TNRC6C: variants seen among roughly 807,000 people sequenced by gnomAD.
TNRC6C encodes trinucleotide repeat containing adaptor 6C.
TNRC6C carries 20 observed loss-of-function variants against 153.7 expected under a neutral mutation model. The ratio of observed to expected loss-of-function variants is 0.13; its 90% CI spans 0.09 to 0.19. The LOEUF (loss-of-function observed/expected upper bound fraction) is 0.19. Among genes scored for constraint, TNRC6C ranks in the 10% least tolerant of loss-of-function variants. The pLI is 1.00. For synonymous variants in TNRC6C, 811 were observed against 841.4 expected (o/e 0.96, Z 0.63); for missense variants, 1,987 against 2,172.0 (o/e 0.91, Z 1.69).
chr17:77,998,456 C>T (rs1029761316), intron 1 of TNRC6C, among the ~76,000 whole-genome samples: 2 of 152,178 alleles, frequency 1.3e-5, no homozygotes, highest in African/African-American at 4.8e-5. Flanking sequence ...TCTGGGCCTC[C>T]AGTGAAATGA....
Position 78,082,962 on chromosome 17 carries a change from C to T in TNRC6C, c.3358-85C>T, listed in dbSNP as rs898810610. 5.3e-6 allele frequency: 8 copies of T among 1,502,738 alleles called. No homozygotes were observed. The African/African-American group carries it at 9.7e-5, about 18-fold the overall frequency. 93.1% of individuals were successfully genotyped at this position (1,502,738 alleles called of 1,614,324 possible). A position where few individuals can be genotyped will look rare whatever the true frequency, so the allele number is the denominator to read the frequency against. On this transcript the variant is annotated intron_variant, in intron 10 of 19. Coordinates refer to ENST00000301624, the Ensembl canonical transcript of TNRC6C. ...GTCTCCCTACAAATTATCATTTAAT[C>T]ATTTTTGAATTTTGAAAAACTACAG...
At chr17:78,086,425 C>A in intron 11 of TNRC6C, 78 bp from the exon 14 acceptor site, 10 of 1,107,848 alleles carry the variant, frequency 9.0e-6, no homozygotes, top group African/African-American at 1.7e-5. Context: ...TATTTTTTAA[C>A]TAATGTCAGA....
upstream of TNRC6C, chr17:77,959,094 G>T (rs2070838106): frequency 6.8e-6 from 1 of 146,282 alleles, no homozygotes; most frequent in Non-Finnish European, 1.5e-5. Context: ...CGCCGCCGCC[G>T]CAGCCGCCGC....
At chr17:78,037,514 G>C (rs2072203186) in intron 2 of TNRC6C, among the ~76,000 whole-genome samples, 1 of 141,880 alleles carries the variant, frequency 7.0e-6, no homozygotes, top group South Asian at 2.2e-4. Flanking sequence ...CTTTCTGGTG[G>C]AGGTGATATG....
intron 16 of TNRC6C, among the ~76,000 whole-genome samples, chr17:78,093,982 CTTTT>C (rs11313921): frequency 1.4e-5 from 2 of 141,348 alleles, no homozygotes; most frequent in Non-Finnish European, 1.6e-5. Flanking sequence ...ATTATTATTA[CTTTT>C]TTTTTTTTTT....
chr17:78,049,665 G>A lies in TNRC6C; in HGVS notation c.603G>A (p.Gln201=). The A allele has an allele frequency of 6.2e-7, 1 of 1,611,954 alleles. No individual in the cohort carries two copies. Among genetic ancestry groups the A allele is most frequent in the Non-Finnish European group, 8.5e-7 (1 of 1,178,190 alleles). Residue 201 remains glutamine, a synonymous_variant, in exon 3 of 20, where the codon CAG becomes CAA. Transcript: ENST00000301624. This position sits in a 1 kb window ranked among gnomAD's most constrained non-coding sequence, Gnocchi z 4.1. ...CACCCAACCCTATCAATGCAATGCAGACAAATGGACTGCCAAACTGGGGCA... is the reference window on the plus strand; with the variant it reads ...CACCCAACCCTATCAATGCAATGCAAACAAATGGACTGCCAAACTGGGGCA...
At chr17:78,047,781 A>G (rs907004518) in intron 2 of TNRC6C, among the ~76,000 whole-genome samples, 6 of 152,180 alleles carry the variant, frequency 3.9e-5, no homozygotes, top group Non-Finnish European at 7.4e-5. Context: ...AGTTTGTTGT[A>G]TGTTTGGGTT....
chr17:78,104,884 C>G lies in TNRC6C; in HGVS notation c.*39C>G. 6 of 1,383,676 alleles carry G rather than the reference C, an allele frequency of 4.3e-6. No individual in the cohort carries two copies. The South Asian group carries it at 5.0e-5, about 11-fold the overall frequency. The allele number at this position is 1,383,676 out of a possible 1,614,324, so 85.7% of individuals were successfully genotyped here. On this transcript the variant is annotated 3_prime_UTR_variant, in exon 20 of 20. Transcript: ENST00000301624. This position sits in a 1 kb window ranked among gnomAD's most constrained non-coding sequence, Gnocchi z 6.2. ...CAGCACCAGGAGAGCCGACCCCTCC[C>G]GGGACCCCTCCCGGCTGGGCGGCCC...
At chr17:77,961,269 C>T (rs1436503983) in intron 1 of TNRC6C, among the ~76,000 whole-genome samples, 3 of 151,928 alleles carry the variant, frequency 2.0e-5, no homozygotes, top group Admixed American at 2.0e-4. Flanking sequence ...GATTCTCTTG[C>T]CTCACCCTCC....
chr17:78,019,682 A>G (rs1219338549), intron 1 of TNRC6C, among the ~76,000 whole-genome samples: 1 of 152,240 alleles, frequency 6.6e-6, no homozygotes, highest in Non-Finnish European at 1.5e-5. Flanking sequence ...AATGGTTGCT[A>G]TCTTAATATT....
chr17:77,999,015 A>G (rs2071370845), intron 1 of TNRC6C, among the ~76,000 whole-genome samples: 1 of 152,212 alleles, frequency 6.6e-6, no homozygotes, highest in Non-Finnish European at 1.5e-5. Flanking sequence ...CCTGGCCCAC[A>G]TGTAGGAGTT....
intron 1 of TNRC6C, among the ~76,000 whole-genome samples, chr17:77,987,443 T>C (rs2071185155): frequency 6.6e-6 from 1 of 152,224 alleles, no homozygotes; most frequent in African/African-American, 2.4e-5. Context: ...CCCTTAATTA[T>C]ACCCTTTTGT....
chr17:78,056,620 C>G (rs8076133), intron 3 of TNRC6C, among the ~76,000 whole-genome samples: 1 of 151,926 alleles, frequency 6.6e-6, no homozygotes, highest in Non-Finnish European at 1.5e-5. Context: ...CCCGCCACCA[C>G]GCTCGGCTAA....
chr17:77,979,724 C>T (rs1315551469), intron 1 of TNRC6C, among the ~76,000 whole-genome samples: 1 of 151,986 alleles, frequency 6.6e-6, no homozygotes, highest in African/African-American at 2.4e-5. Flanking sequence ...ATTTGAGAAT[C>T]ACTGTAGCTC....
intron 7 of TNRC6C, among the ~76,000 whole-genome samples, chr17:78,073,636 C>A (rs1020351571): frequency 6.6e-6 from 1 of 152,170 alleles, no homozygotes; most frequent in Non-Finnish European, 1.5e-5. Context: ...ACCACAAACA[C>A]TGAATTAACG....
chr17:78,046,503 A>G (rs946657494), intron 2 of TNRC6C, among the ~76,000 whole-genome samples: 2 of 152,166 alleles, frequency 1.3e-5, no homozygotes, highest in African/African-American at 4.8e-5. Flanking sequence ...TGATAACCAT[A>G]CATTATCTGT....
intron 1 of TNRC6C, among the ~76,000 whole-genome samples, chr17:78,016,070 G>T (rs887859354): frequency 6.6e-6 from 1 of 152,170 alleles, no homozygotes. Flanking sequence ...GCTGAAGGGG[G>T]TAAACTCTAG....
chr17:78,056,816 C>G (rs1180010137), intron 3 of TNRC6C, among the ~76,000 whole-genome samples: 1 of 152,074 alleles, frequency 6.6e-6, no homozygotes, highest in African/African-American at 2.4e-5. Context: ...GAGCTTCATG[C>G]TGAGAAAGGC....
At chr17:78,103,584 C>T in intron 19 of TNRC6C, 31 bp downstream of exon 22, 3 of 1,612,972 alleles carry the variant, frequency 1.9e-6, no homozygotes, top group Non-Finnish European at 2.5e-6. Context: ...CTCAGCGCTC[C>T]AAGTAGCTCC....
Sources: allele counts gnomAD v4.1 joint callset (sites outside exome capture counted in the v4.1 genomes callset), GRCh38; gene constraint gnomAD v4.1.1; non-coding constraint Gnocchi (gnomAD v3.1); transcripts MANE v1.5; gene names NCBI Gene and HGNC (gene_info 2026-07-23, HGNC 2026-07-21).